The following SNX18 variants were observed in gnomAD, a reference collection of about 807,000 sequenced individuals.
SNX18 encodes sorting nexin-18.
In SNX18, 35 loss-of-function variants were observed where a neutral mutation model predicts 48.7. The ratio of observed to expected loss-of-function variants is 0.72; its 90% confidence interval spans 0.55 to 0.95. The LOEUF is 0.95. Ranked by LOEUF, SNX18 falls within the 40% of genes least tolerant of loss-of-function variation. The pLI is 0.00. For synonymous variants in SNX18, 492 were observed against 384.7 expected (o/e 1.28, Z -3.26); for missense variants, 824 against 871.0 (o/e 0.95, Z 0.68).
chr5:54,567,637 C>T, the SNX18 span, among the ~76,000 whole-genome samples: 8 of 152,200 alleles, frequency 5.3e-5, no homozygotes, highest in Non-Finnish European at 1.0e-4. Flanking sequence ...TCCCCTTATA[C>T]AATCCAGAAC....
At chr5:54,611,980 C>A in the SNX18 span, among the ~76,000 whole-genome samples, 1 of 151,870 alleles carries the variant, frequency 6.6e-6, no homozygotes, top group Admixed American at 6.6e-5. Flanking sequence ...TGGACTCAAG[C>A]GATCCTCCCG....
chr5:54,569,699 G>A, the SNX18 span, among the ~76,000 whole-genome samples: 69 of 152,264 alleles, frequency 4.5e-4, no homozygotes, highest in African/African-American at 1.6e-3. Flanking sequence ...ACAACATGGT[G>A]GCCTCAGGAC....
intron 1 of SNX18, among the ~76,000 whole-genome samples, chr5:54,532,030 G>A (rs1172896810): frequency 1.3e-5 from 2 of 152,176 alleles, no homozygotes; most frequent in African/African-American, 4.8e-5. Flanking sequence ...CTGCGTGTGT[G>A]CTCTATCTTG....
At chr5:54,570,754 A>G in the SNX18 span, among the ~76,000 whole-genome samples, 1 of 152,212 alleles carries the variant, frequency 6.6e-6, no homozygotes, top group Non-Finnish European at 1.5e-5. Flanking sequence ...AAAGGATTCC[A>G]AATATTAAGG....
chr5:54,598,159 C>T, the SNX18 span, among the ~76,000 whole-genome samples: 2 of 152,248 alleles, frequency 1.3e-5, no homozygotes, highest in Non-Finnish European at 2.9e-5. Flanking sequence ...GACACATACA[C>T]CCTCCCAAGA....
the SNX18 span, among the ~76,000 whole-genome samples, chr5:54,625,830 C>G: frequency 1.3e-5 from 2 of 152,260 alleles, no homozygotes; most frequent in East Asian, 3.9e-4. Flanking sequence ...GGAACTTTGG[C>G]TGAAACTCTT....
the SNX18 span, among the ~76,000 whole-genome samples, chr5:54,584,422 C>T: frequency 3.5e-4 from 54 of 152,138 alleles, no homozygotes; most frequent in East Asian, 7.7e-4. Context: ...ATAATAAATT[C>T]ATATATTACC....
the SNX18 span, among the ~76,000 whole-genome samples, chr5:54,628,768 T>C: frequency 5.3e-5 from 8 of 152,334 alleles, no homozygotes; most frequent in African/African-American, 1.9e-4. Flanking sequence ...CCTTGCAATG[T>C]TCTGGATTAA....
intron 1 of SNX18, among the ~76,000 whole-genome samples, chr5:54,539,113 G>A (rs1399627783): frequency 6.6e-6 from 1 of 152,048 alleles, no homozygotes; most frequent in Admixed American, 6.6e-5. Context: ...GCTCATTGCA[G>A]CCTGGAATTC....
At chr5:54,610,487 G>A in the SNX18 span, among the ~76,000 whole-genome samples, 9 of 152,214 alleles carry the variant, frequency 5.9e-5, no homozygotes, top group African/African-American at 2.2e-4. Context: ...AGGGCAGATG[G>A]AGAGTGATTT....
At chr5:54,588,559 C>T in the SNX18 span, among the ~76,000 whole-genome samples, 3 of 151,954 alleles carry the variant, frequency 2.0e-5, no homozygotes, top group South Asian at 2.1e-4. Context: ...GATCTCCTGA[C>T]CTCATGATCC....
At position 54,527,351 on chromosome 5, in the gene SNX18, G is replaced by A. The variant is rs182102652; in HGVS notation, c.1621+7778G>A. Among the ~76,000 whole-genome samples the A allele has an allele frequency of 2.8e-4, 37 of 132,578 alleles. No homozygotes were observed. The East Asian group carries it at 9.0e-3, about 32-fold the overall frequency. 87.0% of individuals were successfully genotyped at this position (132,578 alleles called of 152,430 possible). Reference sequence around the variant, plus strand: ...AGTGGAGACAACAGAGGTGGTGGTCGGGGAGCCGGGGGGGGGGGTCCCCCT... The same window carrying A: ...AGTGGAGACAACAGAGGTGGTGGTCAGGGAGCCGGGGGGGGGGGTCCCCCT... On this transcript the variant is annotated intron_variant, in intron 1 of 1. Transcript: ENST00000381410.
At chr5:54,588,144 C>T in the SNX18 span, among the ~76,000 whole-genome samples, 10 of 151,862 alleles carry the variant, frequency 6.6e-5, no homozygotes, top group African/African-American at 2.2e-4. Context: ...AGTATAGTGT[C>T]GCCATAATTT....
At chr5:54,551,517 TACC>T (rs1421560397), downstream of SNX18, among the ~76,000 whole-genome samples, 7 of 152,366 alleles carry the variant, frequency 4.6e-5, no homozygotes, top group East Asian at 1.3e-3. Flanking sequence ...TTCTTTTTCT[TACC>T]ACATCGAGTG....
At chr5:54,617,441 C>T in the SNX18 span, among the ~76,000 whole-genome samples, 4 of 152,098 alleles carry the variant, frequency 2.6e-5, no homozygotes, top group Non-Finnish European at 5.9e-5. Context: ...GGTGTACTTC[C>T]CCCTCCCAAG....
chr5:54,641,759 C>T, the SNX18 span, among the ~76,000 whole-genome samples: 2 of 152,192 alleles, frequency 1.3e-5, no homozygotes, highest in Non-Finnish European at 2.9e-5. Context: ...CTGCAGGCTC[C>T]TTAGCCCCTT....
intron 1 of SNX18, among the ~76,000 whole-genome samples, chr5:54,528,590 A>G (rs761890763): frequency 1.3e-5 from 2 of 152,200 alleles, no homozygotes; most frequent in African/African-American, 2.4e-5. Flanking sequence ...ATAAGCATAC[A>G]GTAATTGATA....
the SNX18 span, among the ~76,000 whole-genome samples, chr5:54,624,985 T>C: frequency 6.6e-6 from 1 of 152,216 alleles, no homozygotes; most frequent in East Asian, 1.9e-4. Context: ...TTTACATTTT[T>C]TTCCCTCCAT....
chr5:54,519,355 G>T lies in SNX18; in HGVS notation c.1403G>T (p.Gly468Val). 6.2e-7 allele frequency: 1 copy of T among 1,613,340 alleles called. No individual in the cohort carries two copies. Reference protein sequence around the residue: ...TGFKKEYQKVGQSFRGLSQAF... With the variant: ...TGFKKEYQKVVQSFRGLSQAF... ...TTCAAAAAGGAGTATCAGAAGGTGG[G>T]CCAGTCCTTCCGCGGCCTCAGCCAG... Residue 468 changes from glycine (G) to valine (V), a missense_variant, in exon 1 of 2, where the codon GGC becomes GTC. Gly to Val is a moderately radical substitution (Grantham distance 109). Transcript: ENST00000381410.
Sources: gnomAD v4.1 joint callset for allele counts (sites outside exome capture counted in the v4.1 genomes callset) on GRCh38, gnomAD v4.1.1 for gene constraint, MANE v1.5 for transcripts, NCBI Gene and HGNC (gene_info 2026-07-23, HGNC 2026-07-21) for gene names.